The following C16orf96 variants were observed in gnomAD, a reference collection of about 807,000 sequenced individuals.
C16orf96 encodes the protein chromosome 16 open reading frame 96.
In C16orf96, 108 loss-of-function variants were observed where a neutral mutation model predicts 103.6. The ratio of observed to expected loss-of-function variants is 1.04; its 90% CI spans 0.89 to 1.22. The LOEUF is 1.22. Ranked by LOEUF, C16orf96 falls within the 50% of genes most tolerant of loss-of-function variation. The pLI is 0.00. For missense variants in C16orf96, 1,586 were observed against 1,464.2 expected, an observed-to-expected ratio of 1.08 and a Z score of -1.36; for synonymous variants, 566 against 593.5, an observed-to-expected ratio of 0.95 and a Z score of 0.67.
chr16:4,559,760 C>T (rs1241966397), intron 1 of C16orf96, among the ~76,000 whole-genome samples: 1 of 152,164 alleles, frequency 6.6e-6, no homozygotes, highest in Non-Finnish European at 1.5e-5. Context: ...CCCTTTACTT[C>T]TCCTCCCTGC....
chr16:4,564,373 C>T (rs1002982274), intron 1 of C16orf96, among the ~76,000 whole-genome samples: 5 of 152,076 alleles, frequency 3.3e-5, no homozygotes, highest in African/African-American at 1.2e-4. Context: ...CCAGGAAGTC[C>T]CCGGGAGAGG....
intron 7 of C16orf96, 131 bp from the exon 8 acceptor site, chr16:4,586,908 A>T: frequency 1.3e-6 from 1 of 756,378 alleles, no homozygotes; most frequent in Admixed American, 2.3e-5. Flanking sequence ...TGTAACGCCC[A>T]TGCCCACCTG....
chr16:4,561,670 C>G (rs1436826462), intron 1 of C16orf96: 1 of 152,324 alleles, frequency 6.6e-6, no homozygotes, highest in Non-Finnish European at 1.5e-5. Flanking sequence ...ATTAGAGAAT[C>G]TTGCCTTGTC....
rs141409039 is a variant in C16orf96 at position 4,577,882 on chromosome 16, G to A, written c.2156-1058G>A. On this transcript the variant is annotated intron_variant, in intron 5 of 15. Coordinates refer to ENST00000444310, the MANE Select transcript of C16orf96 (RefSeq NM_001145011.2). ...GAGACAGGAGAAACACTTTGAACCCGGGAGGCAGAGGTTGCAGTGAGCAGA... is the reference window on the plus strand; with the variant it reads ...GAGACAGGAGAAACACTTTGAACCCAGGAGGCAGAGGTTGCAGTGAGCAGA... Among the ~76,000 whole-genome samples the A allele has an allele frequency of 1.0e-3, 154 of 152,272 alleles. 2 individuals carry two copies. In the East Asian group the frequency reaches 0.017, roughly 17 times the overall value.
chr16:4,591,171 A>C (rs1250821854), intron 9 of C16orf96, among the ~76,000 whole-genome samples: 2 of 152,354 alleles, frequency 1.3e-5, no homozygotes, highest in South Asian at 2.1e-4. Context: ...TGGGCAACAG[A>C]GCGAGACTCT....
intron 7 of C16orf96, among the ~76,000 whole-genome samples, chr16:4,582,778 C>A (rs761942838): frequency 6.6e-6 from 1 of 152,114 alleles, no homozygotes; most frequent in Non-Finnish European, 1.5e-5. Context: ...TACGCCAGAC[C>A]CTGCATGGGG....
the C16orf96 span, among the ~76,000 whole-genome samples, chr16:4,544,677 G>C: frequency 5.3e-5 from 8 of 152,184 alleles, no homozygotes; most frequent in East Asian, 1.5e-3. Context: ...TCACGGGGCT[G>C]TTGCGAGGAT....
At position 4,578,984 on chromosome 16, in the gene C16orf96, T is replaced by C. The variant is rs1356398376; in HGVS notation, c.2200T>C (p.Leu734=). Residue 734 remains leucine (L), a synonymous_variant, in exon 6 of 16, where the codon TTG becomes CTG. Coordinates refer to ENST00000444310, the MANE Select transcript of C16orf96 (RefSeq NM_001145011.2). ...PSSLGTTVDI[L]QKKIGSLQKS... is the part of the protein sequence containing the mutation. ...CAGCCTCGGGACAACAGTGGACATATTGCAGAAAAAGATTGGCAGCCTCCA... is the reference window on the plus strand; with the variant it reads ...CAGCCTCGGGACAACAGTGGACATACTGCAGAAAAAGATTGGCAGCCTCCA... 11 of 1,551,350 alleles carry C rather than the reference T, an allele frequency of 7.1e-6. No individual in the cohort carries two copies. In the African/African-American group the frequency reaches 8.2e-5, roughly 12 times the overall value.
At chr16:4,586,627 C>T (rs1036363173) in intron 7 of C16orf96, among the ~76,000 whole-genome samples, 2 of 152,198 alleles carry the variant, frequency 1.3e-5, no homozygotes, top group Admixed American at 1.3e-4. Flanking sequence ...TTTTCCCTAA[C>T]GCTTGAGCAC....
intron 8 of C16orf96, 112 bp downstream of exon 8, chr16:4,587,225 T>C: frequency 5.7e-6 from 6 of 1,061,672 alleles, no homozygotes; most frequent in South Asian, 2.8e-5. Context: ...CCTTTGTTCA[T>C]ATTGAAACCA....
intron 1 of C16orf96, among the ~76,000 whole-genome samples, chr16:4,563,998 G>T (rs1193721636): frequency 6.7e-6 from 1 of 148,992 alleles, no homozygotes; most frequent in East Asian, 2.1e-4. Flanking sequence ...AGGAGTTCAA[G>T]ACCAGCCTGG....
chr16:4,543,168 G>A, the C16orf96 span, among the ~76,000 whole-genome samples: 1 of 152,202 alleles, frequency 6.6e-6, no homozygotes, highest in Non-Finnish European at 1.5e-5. Flanking sequence ...GCTTCAGAGA[G>A]GAGGACGTTT....
the C16orf96 span, among the ~76,000 whole-genome samples, chr16:4,549,302 G>A: frequency 1.5e-4 from 23 of 151,750 alleles, no homozygotes; most frequent in South Asian, 1.0e-3. Context: ...TTGAAACCCC[G>A]TCTCTACTAA....
In C16orf96 at chr16:4,563,108, T is replaced by C. The variant is rs1234669205; in HGVS notation, c.420+6199T>C. 25 of 765,100 alleles carry C rather than the reference T, an allele frequency of 3.3e-5. No individual in the cohort carries two copies. In the East Asian group the frequency reaches 6.2e-4, roughly 19 times the overall value. 47.4% of individuals were successfully genotyped at this position (765,100 alleles called of 1,614,324 possible). On this transcript the variant is annotated intron_variant, in intron 1 of 15. Transcript: ENST00000444310. ...TACAGGTTTTTCTGGAGCAACTTGC[T>C]TTTTCCTCTTTAAGTTTTTGTCAAC... is the stretch of plus-strand genomic sequence containing the variant.
At chr16:4,573,713 C>G (rs1451528165) in intron 2 of C16orf96, among the ~76,000 whole-genome samples, 2 of 144,828 alleles carry the variant, frequency 1.4e-5, no homozygotes, top group African/African-American at 5.2e-5. Flanking sequence ...GATCACACCA[C>G]TGCACTCCAG....
chr16:4,579,196 T>C (rs565992763), intron 6 of C16orf96, among the ~76,000 whole-genome samples, 171 bp downstream of exon 6: 1 of 20,060 alleles, frequency 5.0e-5, no homozygotes, highest in Admixed American at 7.2e-4. Flanking sequence ...GCTGATTCAC[T>C]GGTGCGGTGG....
intron 8 of C16orf96, among the ~76,000 whole-genome samples, chr16:4,587,618 G>C (rs1318595981): frequency 2.0e-5 from 3 of 151,298 alleles, no homozygotes; most frequent in Non-Finnish European, 2.9e-5. Flanking sequence ...AGCAATTGAG[G>C]ATTATTAACA....
At chr16:4,543,949 A>G in the C16orf96 span, among the ~76,000 whole-genome samples, 16 of 152,062 alleles carry the variant, frequency 1.1e-4, no homozygotes, top group African/African-American at 3.9e-4. Context: ...GCCAGGATTC[A>G]TGTTTTAGAC....
intron 14 of C16orf96, among the ~76,000 whole-genome samples, chr16:4,597,715 C>T (rs1012872307): frequency 1.3e-5 from 2 of 152,088 alleles, no homozygotes; most frequent in Non-Finnish European, 2.9e-5. Flanking sequence ...CGCCACCACG[C>T]CTGGATAATT....
Sources: gnomAD v4.1 joint callset for allele counts (sites outside exome capture counted in the v4.1 genomes callset) on GRCh38, gnomAD v4.1.1 for gene constraint, MANE v1.5 for transcripts, NCBI Gene and HGNC (gene_info 2026-07-23, HGNC 2026-07-21) for gene names.